The following GALNT17 variants were observed in gnomAD, a reference collection of about 807,000 sequenced individuals.
The protein encoded by GALNT17 is UDP-GalNAc:polypeptide N-acetylgalactosaminyltransferase-like 3.
GALNT17 carries 29 observed loss-of-function variants against 63.7 expected under a neutral mutation model. The ratio of observed to expected loss-of-function variants is 0.46; its 90% CI spans 0.34 to 0.62. The LOEUF is 0.62. GALNT17 is among the 20% of genes least tolerant of loss of function. The pLI, the probability that GALNT17 is intolerant of heterozygous loss-of-function variation, is 0.01. For missense variants in GALNT17, 603 were observed against 799.6 expected, an observed-to-expected ratio of 0.75 and a Z score of 2.97; for synonymous variants, 305 against 318.3, an observed-to-expected ratio of 0.96 and a Z score of 0.45.
intron 1 of GALNT17, among the ~76,000 whole-genome samples, chr7:71,298,709 G>A (rs547674247): frequency 0.018 from 386 of 21,550 alleles, 3 homozygotes; most frequent in African/African-American, 0.051. Context: ...TTATTCCAGT[G>A]GGGTGTGTGT....
chr7:71,389,348 G>T (rs1222766237), intron 3 of GALNT17, among the ~76,000 whole-genome samples: 2 of 152,030 alleles, frequency 1.3e-5, no homozygotes, highest in East Asian at 3.9e-4. Context: ...TGGTCAGGCT[G>T]ATCTCGAACT....
intron 6 of GALNT17, among the ~76,000 whole-genome samples, chr7:71,661,762 T>C (rs182127524): frequency 6.6e-6 from 1 of 152,292 alleles, no homozygotes; most frequent in East Asian, 1.9e-4. Context: ...CAGGAGCCTC[T>C]GAGTCCTCCC....
chr7:71,251,658 C>T (rs1223289527), intron 1 of GALNT17, among the ~76,000 whole-genome samples: 3 of 152,168 alleles, frequency 2.0e-5, no homozygotes, highest in Non-Finnish European at 4.4e-5. Context: ...GTGATCCTCT[C>T]TTCCCGGAGT....
At chr7:71,440,036 C>T (rs1787037447) in intron 5 of GALNT17, among the ~76,000 whole-genome samples, 1 of 150,760 alleles carries the variant, frequency 6.6e-6, no homozygotes, top group Non-Finnish European at 1.5e-5. Context: ...GCCTCGCTTC[C>T]TGGGTTCAAG....
At chr7:71,688,700 C>T (rs1402966914) in intron 9 of GALNT17, among the ~76,000 whole-genome samples, 2 of 152,170 alleles carry the variant, frequency 1.3e-5, no homozygotes, top group Admixed American at 1.3e-4. Context: ...GGAGTAGATT[C>T]CTCCTCAAGA....
At chr7:71,462,981 G>A in intron 5 of GALNT17, among the ~76,000 whole-genome samples, 1 of 152,148 alleles carries the variant, frequency 6.6e-6, no homozygotes, top group Non-Finnish European at 1.5e-5. Context: ...CAGACAAAAA[G>A]GTTTAATTGT....
intron 1 of GALNT17, among the ~76,000 whole-genome samples, chr7:71,306,352 C>T (rs1016412773): frequency 1.3e-5 from 2 of 152,144 alleles, no homozygotes; most frequent in African/African-American, 4.8e-5. Flanking sequence ...CTGTTTTCAT[C>T]ATGCAGATCT....
chr7:71,238,778 G>A (rs999968336), intron 1 of GALNT17, among the ~76,000 whole-genome samples: 6 of 152,136 alleles, frequency 3.9e-5, no homozygotes, highest in Non-Finnish European at 7.4e-5. Flanking sequence ...CCTCTCCCCT[G>A]GAATGTGGGT....
intron 5 of GALNT17, among the ~76,000 whole-genome samples, chr7:71,431,977 C>G (rs1459967705): frequency 6.6e-6 from 1 of 152,112 alleles, no homozygotes; most frequent in African/African-American, 2.4e-5. Flanking sequence ...GAATTCAAGA[C>G]CAGCCTGCCC....
rs147503610 is a variant in GALNT17 at position 71,508,215 on chromosome 7, G to A, written c.963-63070G>A. On this transcript the variant is annotated intron_variant, in intron 5 of 10. Transcript: ENST00000333538. ...AGAGCCAGAGACCTGGTCTCCAGGCGAGGCAAGAAATAAACGCAACCTCCA... is the reference window on the plus strand; with the variant it reads ...AGAGCCAGAGACCTGGTCTCCAGGCAAGGCAAGAAATAAACGCAACCTCCA... Among the ~76,000 whole-genome samples, 173 of 152,252 alleles carry A rather than the reference G, an allele frequency of 1.1e-3. 1 individual carries two copies. The highest frequency in any genetic ancestry group is 3.8e-3 in the African/African-American group (157 of 41,548).
chr7:71,421,238 T>C, intron 5 of GALNT17, 133 bp downstream of exon 5: 2 of 906,292 alleles, frequency 2.2e-6, no homozygotes, highest in East Asian at 5.3e-5. Flanking sequence ...GGAGCCGCCG[T>C]TGTCTCAGGA....
chr7:71,171,686 G>A (rs1043553649), intron 1 of GALNT17, among the ~76,000 whole-genome samples: 1 of 152,194 alleles, frequency 6.6e-6, no homozygotes, highest in South Asian at 2.1e-4. Context: ...ACTAGGAATT[G>A]CTTGTAACTA....
chr7:71,538,830 G>A (rs113691155), intron 5 of GALNT17, among the ~76,000 whole-genome samples: 4 of 151,974 alleles, frequency 2.6e-5, no homozygotes, highest in African/African-American at 9.6e-5. Context: ...ACGGACAGTT[G>A]GACGGAGGGA....
chr7:71,464,400 G>T (rs890591836), intron 5 of GALNT17, among the ~76,000 whole-genome samples: 1 of 152,104 alleles, frequency 6.6e-6, no homozygotes, highest in Non-Finnish European at 1.5e-5. Flanking sequence ...ACCAAGGATT[G>T]GTCAAGGAGA....
chr7:71,139,821 C>T (rs1249026083), intron 1 of GALNT17, among the ~76,000 whole-genome samples: 2 of 151,964 alleles, frequency 1.3e-5, no homozygotes, highest in Non-Finnish European at 2.9e-5. Flanking sequence ...GGTGAAACCC[C>T]GTCTCTACTA....
chr7:71,401,899 A>G (rs760731642), intron 3 of GALNT17, among the ~76,000 whole-genome samples: 2 of 152,198 alleles, frequency 1.3e-5, no homozygotes, highest in African/African-American at 4.8e-5. Flanking sequence ...AATGCTCTTG[A>G]ATCATCCTGA....
At chr7:71,701,741 GTGTATATATA>G (rs1562742184) in intron 9 of GALNT17, among the ~76,000 whole-genome samples, 3 of 16,438 alleles carry the variant, frequency 1.8e-4, no homozygotes, top group Non-Finnish European at 4.4e-4. Flanking sequence ...ATATATATAT[GTGTATATATA>G]TGTATATATA....
chr7:71,347,711 A>G (rs554927931), intron 2 of GALNT17, among the ~76,000 whole-genome samples: 91 of 152,100 alleles, frequency 6.0e-4, no homozygotes, highest in African/African-American at 2.1e-3. Context: ...ATTTTCCTTC[A>G]TAAGGTTCTT....
At chr7:71,184,721 C>A (rs192154628) in intron 1 of GALNT17, among the ~76,000 whole-genome samples, 28 of 152,314 alleles carry the variant, frequency 1.8e-4, no homozygotes, top group African/African-American at 6.7e-4. Context: ...ATTAAAGACC[C>A]ATGTTACATT....
Sources: allele counts gnomAD v4.1 joint callset (sites outside exome capture counted in the v4.1 genomes callset), GRCh38; gene constraint gnomAD v4.1.1; transcripts MANE v1.5; gene names NCBI Gene and HGNC (gene_info 2026-07-23, HGNC 2026-07-21).